CNTN4: variants seen among roughly 807,000 people sequenced by gnomAD.
The protein encoded by CNTN4 is contactin-4.
Under a neutral mutation model 122.5 loss-of-function variants are expected in CNTN4, and 77 were observed. That is an observed-to-expected ratio of 0.63 (90% CI 0.52 to 0.76). The LOEUF (loss-of-function observed/expected upper bound fraction) is 0.76, where lower values mean the gene tolerates loss of function less well. Among genes scored for constraint, CNTN4 ranks in the 30% least tolerant of loss-of-function variants. CNTN4 has a pLI of 0.00. For missense variants in CNTN4, 1,256 were observed against 1,259.1 expected (o/e 1.00, Z 0.04); for synonymous variants, 512 against 447.0 (o/e 1.15, Z -1.83).
intron 6 of CNTN4, among the ~76,000 whole-genome samples, chr3:2,809,711 A>C (rs1028473581): frequency 2.0e-5 from 3 of 152,224 alleles, no homozygotes; most frequent in African/African-American, 7.2e-5. Flanking sequence ...CTTGCATGTT[A>C]GGGCACCCGT....
chr3:2,724,906 G>T (rs983086615), intron 4 of CNTN4, among the ~76,000 whole-genome samples: 2 of 151,934 alleles, frequency 1.3e-5, no homozygotes, highest in Admixed American at 1.3e-4. Flanking sequence ...TTGGCTCTTG[G>T]GAGCGTTGGA....
At chr3:2,800,254 C>A (rs2092316039) in intron 6 of CNTN4, among the ~76,000 whole-genome samples, 1 of 151,826 alleles carries the variant, frequency 6.6e-6, no homozygotes, top group South Asian at 2.1e-4. Context: ...ATTTTTAATG[C>A]CTTTTCGTCA....
At chr3:2,696,926 T>C (rs1198613088) in intron 4 of CNTN4, among the ~76,000 whole-genome samples, 1 of 152,206 alleles carries the variant, frequency 6.6e-6, no homozygotes, top group African/African-American at 2.4e-5. Context: ...TTAATTGCCA[T>C]GAATGGGTGA....
intron 2 of CNTN4, among the ~76,000 whole-genome samples, chr3:2,338,421 C>G (rs574869923): frequency 5.4e-4 from 82 of 151,912 alleles, no homozygotes; most frequent in Non-Finnish European, 9.4e-4. Context: ...AAAGATATTT[C>G]TGATTAGCTA....
chr3:2,845,057 T>C (rs2150565741), intron 7 of CNTN4, among the ~76,000 whole-genome samples: 1 of 152,252 alleles, frequency 6.6e-6, no homozygotes, highest in South Asian at 2.1e-4. Context: ...TATAAACTAA[T>C]GAAATAAAAA....
intron 2 of CNTN4, among the ~76,000 whole-genome samples, chr3:2,297,227 G>A (rs2042345869): frequency 6.6e-6 from 1 of 152,156 alleles, no homozygotes; most frequent in South Asian, 2.1e-4. Context: ...TTGCAACTAT[G>A]AGAATGCACA....
intron 4 of CNTN4, among the ~76,000 whole-genome samples, chr3:2,577,801 ACT>A (rs2079761202): frequency 2.6e-5 from 4 of 151,638 alleles, no homozygotes; most frequent in Admixed American, 6.6e-5. Flanking sequence ...GACATTTAAA[ACT>A]CTCTGTGAAT....
chr3:2,174,849 C>T (rs2036680505), intron 2 of CNTN4, among the ~76,000 whole-genome samples: 1 of 152,066 alleles, frequency 6.6e-6, no homozygotes, highest in African/African-American at 2.4e-5. Context: ...ATGGCAAAAG[C>T]AGGAGCAAGA....
At chr3:2,526,429 A>C (rs1176362603) in intron 3 of CNTN4, among the ~76,000 whole-genome samples, 1 of 152,132 alleles carries the variant, frequency 6.6e-6, no homozygotes, top group Non-Finnish European at 1.5e-5. Flanking sequence ...AGCCATTCCT[A>C]GTATCTGTAA....
At chr3:2,120,384 T>TATATATATAA (rs1559260796) in intron 2 of CNTN4, among the ~76,000 whole-genome samples, 82 of 29,828 alleles carry the variant, frequency 2.7e-3, no homozygotes, top group East Asian at 0.02. Flanking sequence ...AATATATATA[T>TATATATATAA]ATATATATAT....
At chr3:2,378,083 T>C (rs979479269) in intron 3 of CNTN4, among the ~76,000 whole-genome samples, 13 of 152,222 alleles carry the variant, frequency 8.5e-5, no homozygotes, top group African/African-American at 3.1e-4. Flanking sequence ...ACAGTGTAGT[T>C]TGAGGCTTGA....
chr3:2,382,500 G>A (rs2150780605), intron 3 of CNTN4, among the ~76,000 whole-genome samples: 1 of 152,162 alleles, frequency 6.6e-6, no homozygotes, highest in East Asian at 1.9e-4. Flanking sequence ...ACACCAGGAG[G>A]CATTTTTTAG....
intron 12 of CNTN4, among the ~76,000 whole-genome samples, chr3:2,904,518 A>G (rs960646946): frequency 2.0e-5 from 3 of 152,172 alleles, no homozygotes; most frequent in African/African-American, 7.2e-5. Flanking sequence ...GAGGCCTAGT[A>G]ATGGTTTTAT....
intron 2 of CNTN4, among the ~76,000 whole-genome samples, chr3:2,290,273 G>T (rs1268960318): frequency 6.6e-6 from 1 of 152,166 alleles, no homozygotes; most frequent in Non-Finnish European, 1.5e-5. Context: ...AATGCAGGAA[G>T]GGGGAAGCCA....
intron 2 of CNTN4, among the ~76,000 whole-genome samples, chr3:2,166,341 G>C (rs1262187600): frequency 6.6e-6 from 1 of 151,794 alleles, no homozygotes; most frequent in African/African-American, 2.4e-5. Context: ...TTATCAAAAA[G>C]TGAAAAGATA....
At chr3:2,452,256 G>A (rs528315103) in intron 3 of CNTN4, among the ~76,000 whole-genome samples, 5 of 152,106 alleles carry the variant, frequency 3.3e-5, no homozygotes, top group African/African-American at 7.2e-5. Context: ...AAATTAGGCC[G>A]TTGGGAAGGA....
At chr3:2,710,059 T>C (rs2087033052) in intron 4 of CNTN4, among the ~76,000 whole-genome samples, 1 of 152,204 alleles carries the variant, frequency 6.6e-6, no homozygotes, top group Non-Finnish European at 1.5e-5. Context: ...AAAAGTAAAT[T>C]ATTAGCACTA....
At chr3:2,155,014 A>C (rs1360579560) in intron 2 of CNTN4, among the ~76,000 whole-genome samples, 1 of 152,218 alleles carries the variant, frequency 6.6e-6, no homozygotes, top group Admixed American at 6.5e-5. Flanking sequence ...CATCTCCTTC[A>C]GATACCTTTT....
intron 13 of CNTN4, among the ~76,000 whole-genome samples, chr3:2,979,227 TG>T (rs1298766668): frequency 3.3e-5 from 5 of 152,024 alleles, no homozygotes; most frequent in African/African-American, 1.2e-4. Context: ...AGCCTCCTGG[TG>T]GGGGAAAGTT....
Sources: gnomAD v4.1 joint callset for allele counts (sites outside exome capture counted in the v4.1 genomes callset) on GRCh38, gnomAD v4.1.1 for gene constraint, MANE v1.5 for transcripts, NCBI Gene and HGNC (gene_info 2026-07-23, HGNC 2026-07-21) for gene names.